FSTL5: variants seen among roughly 807,000 people sequenced by gnomAD.
FSTL5 encodes follistatin-related protein 5.
In FSTL5, 62 loss-of-function variants were observed where a neutral mutation model predicts 89.1. That is an observed-to-expected ratio of 0.70 (90% CI 0.57 to 0.86). The LOEUF (loss-of-function observed/expected upper bound fraction) is 0.86, where lower values mean the gene tolerates loss of function less well. Ranked by LOEUF, FSTL5 falls within the 40% of genes least tolerant of loss-of-function variation. FSTL5 has a pLI of 0.00. For missense variants in FSTL5, 1,057 were observed against 1,001.6 expected, an observed-to-expected ratio of 1.06 and a Z score of -0.75; for synonymous variants, 383 against 346.2, an observed-to-expected ratio of 1.11 and a Z score of -1.18.
chr4:161,897,118 T>A (rs991440456), intron 4 of FSTL5, among the ~76,000 whole-genome samples: 4 of 151,702 alleles, frequency 2.6e-5, no homozygotes, highest in African/African-American at 4.8e-5. Context: ...TATAATAATA[T>A]TAGATATCTT....
rs537748192 is a variant in FSTL5, at chr4:161,425,003, C to T, written c.1841+30001G>A. On this transcript the variant is annotated intron_variant, in intron 15 of 15. Transcript: ENST00000306100. The stretch of plus-strand genomic sequence containing the variant: ...ACAAAATTCACTGTTTTGCCATTGC[C>T]CAGTGTGAGCTCTTCATTACATTTT... 5.3e-5 allele frequency among the ~76,000 whole-genome samples: 8 copies of T among 152,254 alleles called. No individual in the cohort carries two copies. In the South Asian group the frequency reaches 1.7e-3, roughly 32 times the overall value.
chr4:161,513,257 A>G (rs1034956316), intron 10 of FSTL5, among the ~76,000 whole-genome samples: 1 of 128,944 alleles, frequency 7.8e-6, no homozygotes, highest in African/African-American at 2.8e-5. Flanking sequence ...ACTGAACTGA[A>G]CCAAACAAGG....
At chr4:162,007,517 G>A (rs1008982946) in intron 3 of FSTL5, among the ~76,000 whole-genome samples, 1 of 151,524 alleles carries the variant, frequency 6.6e-6, no homozygotes, top group Non-Finnish European at 1.5e-5. Context: ...GAAAATATTA[G>A]GCCTAATACA....
chr4:162,040,111 C>T (rs1737892306), intron 2 of FSTL5, among the ~76,000 whole-genome samples: 1 of 151,998 alleles, frequency 6.6e-6, no homozygotes, highest in South Asian at 2.1e-4. Flanking sequence ...ATTCTCAGAA[C>T]TCTTCCCTTC....
chr4:162,126,998 G>GT (rs1032245945), intron 1 of FSTL5, among the ~76,000 whole-genome samples: 3 of 152,100 alleles, frequency 2.0e-5, no homozygotes, highest in Admixed American at 1.3e-4. Context: ...GACTGTCGTG[G>GT]TTTTTTTAAG....
At chr4:161,763,130 C>A (rs371030617) in intron 5 of FSTL5, among the ~76,000 whole-genome samples, 2 of 152,142 alleles carry the variant, frequency 1.3e-5, no homozygotes, top group African/African-American at 4.8e-5. Context: ...CACTCACTAA[C>A]TCAATCATCC....
intron 3 of FSTL5, among the ~76,000 whole-genome samples, chr4:161,987,134 T>G (rs1206740720): frequency 1.3e-5 from 2 of 152,126 alleles, no homozygotes; most frequent in African/African-American, 4.8e-5. Flanking sequence ...GACATCTAGT[T>G]TTGTCTTATC....
At chr4:161,815,046 T>C (rs962535296) in intron 4 of FSTL5, among the ~76,000 whole-genome samples, 4 of 152,098 alleles carry the variant, frequency 2.6e-5, no homozygotes, top group Admixed American at 2.6e-4. Flanking sequence ...TATGTTAAAA[T>C]AGCATCTTAA....
At chr4:161,573,412 C>T in intron 8 of FSTL5, among the ~76,000 whole-genome samples, 1 of 119,692 alleles carries the variant, frequency 8.4e-6, no homozygotes, top group Non-Finnish European at 1.7e-5. Context: ...AAAACCCTGT[C>T]AAAAAAAAAA....
chr4:161,398,454 TGA>T (rs1731075779), intron 15 of FSTL5, among the ~76,000 whole-genome samples: 1 of 152,118 alleles, frequency 6.6e-6, no homozygotes. Flanking sequence ...GTAAATAATC[TGA>T]GAGATTACTC....
At chr4:162,004,607 C>T (rs767578501) in intron 3 of FSTL5, among the ~76,000 whole-genome samples, 2 of 152,174 alleles carry the variant, frequency 1.3e-5, no homozygotes, top group African/African-American at 4.8e-5. Context: ...ATATCAAGTA[C>T]GTACCATCAG....
intron 7 of FSTL5, among the ~76,000 whole-genome samples, chr4:161,622,261 C>G (rs1735159316): frequency 6.6e-6 from 1 of 151,984 alleles, no homozygotes; most frequent in Admixed American, 6.6e-5. Flanking sequence ...TCTTTCCCCA[C>G]AAAAATTTCA....
At chr4:161,456,667 A>C (rs938928849) in intron 14 of FSTL5, among the ~76,000 whole-genome samples, 1 of 152,208 alleles carries the variant, frequency 6.6e-6, no homozygotes, top group Non-Finnish European at 1.5e-5. Context: ...TTCCTTTGTG[A>C]ATGTTTCCTG....
At chr4:161,502,759 T>G (rs1730339918) in intron 11 of FSTL5, among the ~76,000 whole-genome samples, 1 of 151,810 alleles carries the variant, frequency 6.6e-6, no homozygotes, top group South Asian at 2.1e-4. Context: ...TATGACCTGA[T>G]GTGTTTCTCT....
chr4:162,144,145 T>C (rs1732878600), intron 1 of FSTL5, among the ~76,000 whole-genome samples: 1 of 152,124 alleles, frequency 6.6e-6, no homozygotes, highest in South Asian at 2.1e-4. Context: ...AGAAAAGAAC[T>C]TGCCTAGAGA....
chr4:161,516,410 AT>A (rs1205135275), intron 10 of FSTL5, among the ~76,000 whole-genome samples: 3 of 140,416 alleles, frequency 2.1e-5, no homozygotes, highest in East Asian at 2.0e-4. Flanking sequence ...GTAAATATAT[AT>A]TTTTTTACAT....
chr4:162,037,632 A>C (rs1270584804), intron 2 of FSTL5, among the ~76,000 whole-genome samples: 1 of 151,904 alleles, frequency 6.6e-6, no homozygotes, highest in Non-Finnish European at 1.5e-5. Context: ...TATAATTATA[A>C]ATTACCAATG....
chr4:161,977,636 A>ATAATGAT (rs1487670539), intron 3 of FSTL5, among the ~76,000 whole-genome samples: 1 of 106,260 alleles, frequency 9.4e-6, no homozygotes, highest in Non-Finnish European at 1.8e-5. Context: ...AAAAAAAAAA[A>ATAATGAT]AAAAATAATA....
chr4:161,832,399 T>C (rs1387808008), intron 4 of FSTL5, among the ~76,000 whole-genome samples: 1 of 152,156 alleles, frequency 6.6e-6, no homozygotes, highest in Non-Finnish European at 1.5e-5. Flanking sequence ...CCTCACAAAA[T>C]GAGTTAGGGA....
Sources: gnomAD v4.1 joint callset for allele counts (sites outside exome capture counted in the v4.1 genomes callset) on GRCh38, gnomAD v4.1.1 for gene constraint, MANE v1.5 for transcripts, NCBI Gene and HGNC (gene_info 2026-07-23, HGNC 2026-07-21) for gene names.